The following AGAP1 variants were observed in gnomAD, a reference collection of about 807,000 sequenced individuals.
AGAP1 encodes arf-GAP with GTPase, ANK repeat and PH domain-containing protein 1.
AGAP1 carries 29 observed loss-of-function variants against 105.3 expected under a neutral mutation model. That is an observed-to-expected ratio of 0.28 (90% confidence interval 0.21 to 0.38). AGAP1 has a LOEUF of 0.38. AGAP1 is among the 10% of genes least tolerant of loss of function. The pLI, the probability that AGAP1 is intolerant of heterozygous loss-of-function variation, is 1.00. For synonymous variants in AGAP1, 509 were observed against 485.9 expected, an observed-to-expected ratio of 1.05 and a Z score of -0.63; for missense variants, 998 against 1,165.1, an observed-to-expected ratio of 0.86 and a Z score of 2.09.
At position 235,656,411 on chromosome 2, in the gene AGAP1, T is replaced by C. The variant is rs144284979; in HGVS notation, c.164-52768T>C. Among the ~76,000 whole-genome samples, 940 of 152,316 alleles carry C rather than the reference T, an allele frequency of 6.2e-3. 12 individuals are homozygous for C. The highest frequency in any genetic ancestry group is 0.022 in the African/African-American group (908 of 41,556). On this transcript the variant is annotated intron_variant, in intron 1 of 17. Coordinates refer to ENST00000304032, the MANE Select transcript of AGAP1 (RefSeq NM_001037131.3). ...GTATGTTCAGTTCTTTGCCTTCTAC[T>C]TCTAAACTTAACTTTCTCATAAAGC...
In AGAP1 at chr2:236,040,134, T is replaced by C. The variant is rs1370118646; in HGVS notation, c.1801-617T>C. ...TCAAAAAATAATAATAATAAATAAA[T>C]AAATAAAAATAAAGCAAGCCATCAA... On this transcript the variant is annotated intron_variant, in intron 14 of 17. Coordinates refer to ENST00000304032, the MANE Select transcript of AGAP1 (RefSeq NM_001037131.3). The surrounding 1 kb of genome is among the most constrained non-coding windows in gnomAD (Gnocchi z 5.6). 6.6e-6 allele frequency among the ~76,000 whole-genome samples: 1 copy of C among 151,874 alleles called. No individual in the cohort carries two copies. The highest frequency in any genetic ancestry group is 1.5e-5 in the Non-Finnish European group (1 of 68,002).
At chr2:235,939,478 A>G (rs2053151599) in intron 12 of AGAP1, among the ~76,000 whole-genome samples, 1 of 151,824 alleles carries the variant, frequency 6.6e-6, no homozygotes, top group Admixed American at 6.6e-5. Context: ...CCTTCAGCTT[A>G]CATACCTGCT....
rs80284235 is a variant in AGAP1 at position 235,518,119 on chromosome 2, A to G, written c.163+23270A>G. ...AGAGCTGGAAATGCTTTCTTAGAGA[A>G]AGTGCATAAGGGCTGTGCCCATCTC... On this transcript the variant is annotated intron_variant, in intron 1 of 17. Coordinates refer to ENST00000304032, the MANE Select transcript of AGAP1 (RefSeq NM_001037131.3). Among the ~76,000 whole-genome samples, 38 of 152,228 alleles carry G rather than the reference A, an allele frequency of 2.5e-4. No individual in the cohort carries two copies. The East Asian group carries it at 7.2e-3, about 29-fold the overall frequency.
intron 10 of AGAP1, among the ~76,000 whole-genome samples, chr2:235,903,675 G>A (rs1404266950): frequency 6.6e-6 from 1 of 152,224 alleles, no homozygotes; most frequent in East Asian, 1.9e-4. Flanking sequence ...CAGGCACATA[G>A]TGGGATCTGG....
intron 6 of AGAP1, 69 bp from the exon 7 acceptor site, chr2:235,797,690 G>A: frequency 6.3e-7 from 1 of 1,581,796 alleles, no homozygotes; most frequent in African/African-American, 1.3e-5. Flanking sequence ...ACAGACTGAT[G>A]ATCTCTGCTC....
rs1015622123 is a variant in AGAP1, at chr2:235,711,511, G to C, written c.222+2274G>C. On this transcript the variant is annotated intron_variant, in intron 2 of 17. Transcript: ENST00000304032. ...AGCATGGGCTCCTCATTCTGAAACG[G>C]ACTGTCTTAAGGCTTGCTTCAATTT... Among the ~76,000 whole-genome samples the C allele has an allele frequency of 1.3e-5, 2 of 152,208 alleles. 1 individual carries two copies. Among genetic ancestry groups the C allele is most frequent in the South Asian group, 4.1e-4 (2 of 4,836 alleles).
At chr2:235,978,253 C>A (rs2054941622) in intron 13 of AGAP1, among the ~76,000 whole-genome samples, 1 of 152,264 alleles carries the variant, frequency 6.6e-6, no homozygotes, top group East Asian at 1.9e-4. Flanking sequence ...ACTTTCTATT[C>A]CTGGCTGTGG....
chr2:235,966,706 C>G (rs2054416247), intron 12 of AGAP1, among the ~76,000 whole-genome samples: 1 of 152,104 alleles, frequency 6.6e-6, no homozygotes, highest in Non-Finnish European at 1.5e-5. Context: ...CTGGGCTGCC[C>G]TGCAGGAGCC....
intron 10 of AGAP1, among the ~76,000 whole-genome samples, chr2:235,894,237 G>T (rs954488061): frequency 6.6e-6 from 1 of 152,196 alleles, no homozygotes; most frequent in African/African-American, 2.4e-5. Context: ...AGACTGGCAG[G>T]AGTCAGCTCG....
rs947976968 is a variant in AGAP1, at chr2:235,889,412, G to C, written c.1155+5963G>C. Among the ~76,000 whole-genome samples the C allele has an allele frequency of 1.3e-5, 2 of 152,256 alleles. No homozygotes were observed. Among genetic ancestry groups the C allele is most frequent in the South Asian group, 4.1e-4 (2 of 4,826 alleles). ...GACTGCGTGTCTCCCTCAGAACTGGGGCAGCTTTCTACTTGCAGAAGATCA... is the reference window on the plus strand; with the variant it reads ...GACTGCGTGTCTCCCTCAGAACTGGCGCAGCTTTCTACTTGCAGAAGATCA... On this transcript the variant is annotated intron_variant, in intron 10 of 17. Coordinates refer to ENST00000304032, the MANE Select transcript of AGAP1 (RefSeq NM_001037131.3). The surrounding 1 kb of genome is among the most constrained non-coding windows in gnomAD (Gnocchi z 4.6).
chr2:235,769,589 A>G lies in AGAP1; in HGVS notation c.673+19101A>G, dbSNP rs1323757068. ...TGTTCCGTTCATGCTGTTGCGTGAG[A>G]TAAGTTAGGATGCTCTTGAAGAAGT... is the stretch of plus-strand genomic sequence containing the variant. On this transcript the variant is annotated intron_variant, in intron 6 of 17. Coordinates refer to ENST00000304032, the MANE Select transcript of AGAP1 (RefSeq NM_001037131.3). This position sits in a 1 kb window ranked among gnomAD's most constrained non-coding sequence, Gnocchi z 4.4. 2.6e-5 allele frequency among the ~76,000 whole-genome samples: 4 copies of G among 152,302 alleles called. No homozygotes were observed. Among genetic ancestry groups the G allele is most frequent in the East Asian group, 1.9e-4 (1 of 5,192 alleles).
chr2:235,726,684 C>T (rs1279018593), intron 3 of AGAP1, among the ~76,000 whole-genome samples: 1 of 152,166 alleles, frequency 6.6e-6, no homozygotes, highest in Non-Finnish European at 1.5e-5. Context: ...GTGCCCCTGG[C>T]CAGGGAACCG....
intron 1 of AGAP1, among the ~76,000 whole-genome samples, chr2:235,645,271 T>C (rs1169275391): frequency 6.6e-6 from 1 of 152,190 alleles, no homozygotes; most frequent in Non-Finnish European, 1.5e-5. Flanking sequence ...TGAAAACTAA[T>C]TAACTCTACA....
intron 16 of AGAP1, among the ~76,000 whole-genome samples, chr2:236,074,262 A>G (rs977088722): frequency 1.3e-5 from 2 of 151,820 alleles, no homozygotes; most frequent in African/African-American, 4.8e-5. Context: ...GAGAGGCTAA[A>G]CAAGAAGACC....
intron 12 of AGAP1, among the ~76,000 whole-genome samples, chr2:235,940,836 T>G (rs1186333181): frequency 6.6e-6 from 1 of 152,160 alleles, no homozygotes; most frequent in Non-Finnish European, 1.5e-5. Flanking sequence ...GTCTCCACTT[T>G]CTTGACTACC....
intron 10 of AGAP1, among the ~76,000 whole-genome samples, chr2:235,890,059 G>T (rs886700157): frequency 6.6e-6 from 1 of 152,102 alleles, no homozygotes; most frequent in Admixed American, 6.6e-5. Flanking sequence ...AGCACTGGCT[G>T]CCTCAGGATG....
intron 6 of AGAP1, among the ~76,000 whole-genome samples, chr2:235,790,171 G>T (rs905598055): frequency 6.6e-6 from 1 of 152,126 alleles, no homozygotes; most frequent in Admixed American, 6.5e-5. Flanking sequence ...TGGGGTCGCC[G>T]TGCTTATGGG....
At chr2:235,815,475 G>A (rs560811563) in intron 9 of AGAP1, among the ~76,000 whole-genome samples, 1 of 152,306 alleles carries the variant, frequency 6.6e-6, no homozygotes, top group South Asian at 2.1e-4. Context: ...CACTGCGGGT[G>A]AGGGCTTCAA....
chr2:235,759,469 C>G (rs974676442), intron 6 of AGAP1, among the ~76,000 whole-genome samples: 3 of 152,230 alleles, frequency 2.0e-5, no homozygotes, highest in Non-Finnish European at 4.4e-5. Context: ...GCGCCCGGCC[C>G]TGGCAGCTTC....
Sources: allele counts gnomAD v4.1 joint callset (sites outside exome capture counted in the v4.1 genomes callset), GRCh38; gene constraint gnomAD v4.1.1; non-coding constraint Gnocchi (gnomAD v3.1); transcripts MANE v1.5; gene names NCBI Gene and HGNC (gene_info 2026-07-23, HGNC 2026-07-21).